The following COL12A1 variants were observed in gnomAD, a reference collection of about 807,000 sequenced individuals.
COL12A1 encodes collagen type XII alpha 1 chain.
Under a neutral mutation model 349.7 loss-of-function variants are expected in COL12A1, and 114 were observed. The observed-to-expected ratio is 0.33, with a 90% CI of 0.28 to 0.38. The LOEUF (loss-of-function observed/expected upper bound fraction) is 0.38, where lower values mean the gene tolerates loss of function less well. Ranked by LOEUF, COL12A1 falls within the 10% of genes least tolerant of loss-of-function variation. The pLI, the probability that COL12A1 is intolerant of heterozygous loss-of-function variation, is 1.00. For missense variants in COL12A1, 3,284 were observed against 3,756.9 expected (o/e 0.87, Z 3.29); for synonymous variants, 1,369 against 1,329.0 (o/e 1.03, Z -0.66).
At position 75,138,357 on chromosome 6, in the gene COL12A1, T is replaced by C; in HGVS notation, c.5231-17A>G. The C allele has an allele frequency of 6.2e-7, 1 of 1,610,782 alleles. No individual in the cohort carries two copies. ...AGATAGGCACTAAAAGAAAACAGAA[T>C]TTGGGAACACATTACTAATATAGCT... On this transcript the variant is annotated splice_polypyrimidine_tract_variant and intron_variant, in intron 29 of 65. Coordinates refer to ENST00000322507, the MANE Select transcript of COL12A1 (RefSeq NM_004370.6).
At chr6:75,110,989 A>G (rs1459165934) in intron 51 of COL12A1, among the ~76,000 whole-genome samples, 1 of 151,998 alleles carries the variant, frequency 6.6e-6, no homozygotes, top group Non-Finnish European at 1.5e-5. Context: ...GCAAGATGCT[A>G]GATCTTAGAT....
At chr6:75,120,668 T>C (rs1025437817) in intron 44 of COL12A1, among the ~76,000 whole-genome samples, 2 of 152,148 alleles carry the variant, frequency 1.3e-5, no homozygotes, top group Admixed American at 6.5e-5. Flanking sequence ...GAAATTTTAA[T>C]TGGGTCTTTT....
At position 75,125,277 on chromosome 6, in the gene COL12A1, T is replaced by C; in HGVS notation, c.6461-4A>G. ...GCTTCCATGGGCTCATTGGAACCTT[T>C]ATTAACAACCACAAAAATACACAGA... On this transcript the variant is annotated splice_polypyrimidine_tract_variant and splice_region_variant and intron_variant, in intron 39 of 65. Coordinates refer to ENST00000322507, the MANE Select transcript of COL12A1 (RefSeq NM_004370.6). 1 of 1,592,686 alleles carries C rather than the reference T, an allele frequency of 6.3e-7. No homozygotes were observed. The highest frequency in any genetic ancestry group is 8.5e-7 in the Non-Finnish European group (1 of 1,170,888).
intron 14 of COL12A1, among the ~76,000 whole-genome samples, chr6:75,159,844 A>C (rs979939703): frequency 7.3e-5 from 11 of 151,566 alleles, no homozygotes; most frequent in African/African-American, 2.7e-4. Flanking sequence ...AAAGAAACTT[A>C]AGTTTCAAAA....
intron 60 of COL12A1, among the ~76,000 whole-genome samples, chr6:75,094,888 A>G (rs928256130): frequency 1.3e-5 from 2 of 152,226 alleles, no homozygotes; most frequent in African/African-American, 4.8e-5. Flanking sequence ...CCTTTTAAAG[A>G]AACCCAGTAA....
intron 14 of COL12A1, among the ~76,000 whole-genome samples, chr6:75,162,630 G>A (rs942766896): frequency 1.3e-5 from 2 of 152,128 alleles, no homozygotes; most frequent in Non-Finnish European, 2.9e-5. Flanking sequence ...AACACCAAAA[G>A]CAATGGCAAT....
Position 75,152,368 on chromosome 6 carries a change from T to C in COL12A1, c.3680A>G (p.Glu1227Gly). 1 of 1,613,650 alleles carries C rather than the reference T, an allele frequency of 6.2e-7. No homozygotes were observed. The highest frequency in any genetic ancestry group is 1.1e-5 in the South Asian group (1 of 91,086). ...TVRSFISRIV[E>G]VFDIGPKRVQ... The stretch of plus-strand genomic sequence containing the variant: ...TCTTTTGGGGCCAATGTCAAAGACT[T>C]CCACAATACGAGAAATGAAACTCCT... Residue 1227 changes from glutamate to glycine, a missense_variant, in exon 18 of 66, where the codon GAA (glutamate) becomes GGA (glycine). Around this residue, in one of 2 missense-constraint regions of COL12A1, gnomAD observed 2,601 missense variants for 2,824.8 expected, o/e 0.92. Transcript: ENST00000322507.
chr6:75,103,176 T>G (rs897299674), intron 55 of COL12A1, among the ~76,000 whole-genome samples: 1 of 152,220 alleles, frequency 6.6e-6, no homozygotes, highest in Non-Finnish European at 1.5e-5. Flanking sequence ...AGGCACAACC[T>G]TGGCATCAGG....
chr6:75,097,951 T>C (rs1170179844), intron 58 of COL12A1, among the ~76,000 whole-genome samples: 1 of 152,174 alleles, frequency 6.6e-6, no homozygotes, highest in Non-Finnish European at 1.5e-5. Context: ...CTTCCAGATA[T>C]TTTAACCATA....
chr6:75,107,074 T>C (rs1465187644), intron 52 of COL12A1, among the ~76,000 whole-genome samples: 2 of 149,350 alleles, frequency 1.3e-5, no homozygotes, highest in African/African-American at 2.5e-5. Context: ...GCTAATTTTT[T>C]TGTATTTTGT....
Position 75,134,246 on chromosome 6 carries a change from A to G in COL12A1, c.5525-249T>C, listed in dbSNP as rs894045829. On this transcript the variant is annotated intron_variant, in intron 32 of 65. Coordinates refer to ENST00000322507, the MANE Select transcript of COL12A1 (RefSeq NM_004370.6). ...AAGTAACATCTTTCTCCACAAACAG[A>G]GACAAGTAATTCCAAGCAAGGATGT... 3.9e-5 allele frequency among the ~76,000 whole-genome samples: 6 copies of G among 152,104 alleles called. No homozygotes were observed. The South Asian group carries it at 1.2e-3, about 32-fold the overall frequency.
chr6:75,142,090 G>C lies in COL12A1; in HGVS notation c.4899C>G (p.Ser1633Arg). 1 of 1,614,074 alleles carries C rather than the reference G, an allele frequency of 6.2e-7. No homozygotes were observed. Among genetic ancestry groups the C allele is most frequent in the Non-Finnish European group, 8.5e-7 (1 of 1,179,964 alleles). Residue 1633 changes from serine to arginine, a missense_variant, in exon 27 of 66, where the codon AGC becomes AGG. Physicochemically the swap from Ser to Arg is moderately radical, Grantham distance 110 (BLOSUM62 -1). This residue lies in a region of COL12A1 where 2,601 missense variants were observed against 2,824.8 expected (regional missense o/e 0.92). Transcript: ENST00000322507. ...CCCCCTCGTCATGTACTGCAGAAAC[G>C]CTGACTGTGTACAAGGTCTGTGAGA... is the stretch of plus-strand genomic sequence containing the variant. ...DLFSQTLYTV[S>R]VSAVHDEGES...
At chr6:75,151,695 C>G (rs932667243) in intron 20 of COL12A1, among the ~76,000 whole-genome samples, 172 bp downstream of exon 20, 2 of 151,320 alleles carry the variant, frequency 1.3e-5, no homozygotes, top group Non-Finnish European at 2.9e-5. Context: ...AGTTTTGTCC[C>G]CAAAAAAAGA....
At position 75,132,071 on chromosome 6, in the gene COL12A1, G is replaced by T; in HGVS notation, c.5806C>A (p.Leu1936Met). 1 of 1,613,996 alleles carries T rather than the reference G, an allele frequency of 6.2e-7. No homozygotes were observed. The highest frequency in any genetic ancestry group is 8.5e-7 in the Non-Finnish European group (1 of 1,179,914). ...TTGTATACTTGGACATTTCTTGCCAGTCCTCTCATCACTGAGGAAATGAAG... is the reference window on the plus strand; with the variant it reads ...TTGTATACTTGGACATTTCTTGCCATTCCTCTCATCACTGAGGAAATGAAG... ...SDTGRTLMRG[L>M]ARNVQVYNPT... Residue 1936 changes from leucine to methionine, a missense_variant, in exon 35 of 66, where the codon CTG becomes ATG. Leu to Met is a conservative substitution (Grantham distance 15). Transcript: ENST00000322507.
chr6:75,086,604 T>C, intron 65 of COL12A1, 47 bp from the exon 66 acceptor site: 1 of 1,499,436 alleles, frequency 6.7e-7, no homozygotes, highest in Non-Finnish European at 9.2e-7. Flanking sequence ...AATGACTAAG[T>C]AAAAAATATA....
rs567122755 is a variant in COL12A1, at chr6:75,161,770, C to T, written c.2983+3737G>A. Reference sequence around the variant, plus strand: ...ATTTAGAAAACCTCACTGTCTCAGCCCAGAATCTCCTTAAGCTGATAAGCA... The same window carrying T: ...ATTTAGAAAACCTCACTGTCTCAGCTCAGAATCTCCTTAAGCTGATAAGCA... On this transcript the variant is annotated intron_variant, in intron 14 of 65. Coordinates refer to ENST00000322507, the MANE Select transcript of COL12A1 (RefSeq NM_004370.6). Among the ~76,000 whole-genome samples, 69 of 152,230 alleles carry T rather than the reference C, an allele frequency of 4.5e-4. 1 individual carries two copies. The South Asian group carries it at 0.013, about 29-fold the overall frequency.
chr6:75,190,511 A>G (rs1769872905), intron 5 of COL12A1, among the ~76,000 whole-genome samples: 1 of 151,976 alleles, frequency 6.6e-6, no homozygotes, highest in Admixed American at 6.6e-5. Flanking sequence ...AGGGTAAACA[A>G]TTATTTTTAT....
chr6:75,123,366 G>C lies in COL12A1; in HGVS notation c.6910C>G (p.Pro2304Ala). Residue 2304 changes from proline (P) to alanine (A), a missense_variant, in exon 43 of 66, where the codon CCT (proline) becomes GCT (alanine). This residue lies in a region of COL12A1 where 2,601 missense variants were observed against 2,824.8 expected (regional missense o/e 0.92). Coordinates refer to ENST00000322507, the MANE Select transcript of COL12A1 (RefSeq NM_004370.6). ...GGTGGAATGGTGGGAGGGGGAGGAG[G>C]TGTGGGTGGCTCTGTAGGGGCTTCT... ...PTEAPTEPPT[P>A]PPPPTIPPAR... 6.2e-7 allele frequency: 1 copy of C among 1,605,506 alleles called. No homozygotes were observed. The highest frequency in any genetic ancestry group is 8.5e-7 in the Non-Finnish European group (1 of 1,175,600).
Position 75,091,355 on chromosome 6 carries a change from A to T in COL12A1, c.8720T>A (p.Val2907Asp). The T allele has an allele frequency of 6.2e-7, 1 of 1,613,794 alleles. No homozygotes were observed. The highest frequency in any genetic ancestry group is 8.5e-7 in the Non-Finnish European group (1 of 1,179,940). ...CAATTGTTCACAGACTTGTCTTGCA[A>T]CTGCTCGCATCATGTTCTGGGAAGC... ...DIASQNMMRA[V>D]ARQVCEQLIS... Residue 2907 changes from valine (V) to aspartate (D), a missense_variant, in exon 62 of 66, where the codon GTT (valine) becomes GAT (aspartate). Physicochemically the swap from Val to Asp is radical, Grantham distance 152. This residue lies in a region of COL12A1 where 683 missense variants were observed against 932.1 expected (regional missense o/e 0.73). Coordinates refer to ENST00000322507, the MANE Select transcript of COL12A1 (RefSeq NM_004370.6).
Sources: gnomAD v4.1 joint callset for allele counts (sites outside exome capture counted in the v4.1 genomes callset) on GRCh38, gnomAD v4.1.1 for gene constraint, gnomAD v4.1.1 regional missense constraint, MANE v1.5 for transcripts, NCBI Gene and HGNC (gene_info 2026-07-23, HGNC 2026-07-21) for gene names.